Variants in DBNL observed in about 807,000 individuals in gnomAD.
DBNL encodes drebrin-like protein.
DBNL carries 35 observed loss-of-function variants against 62.2 expected under a neutral mutation model. The ratio of observed to expected loss-of-function variants is 0.56; its 90% CI spans 0.43 to 0.75. The LOEUF is 0.75. Among genes scored for constraint, DBNL ranks in the 30% least tolerant of loss-of-function variants. The pLI, the probability that DBNL is intolerant of heterozygous loss-of-function variation, is 0.00. For missense variants in DBNL, 495 were observed against 578.4 expected, an observed-to-expected ratio of 0.86 and a Z score of 1.48; for synonymous variants, 197 against 218.0, an observed-to-expected ratio of 0.90 and a Z score of 0.85.
intron 8 of DBNL, chr7:44,058,683 T>G (rs2096141805): frequency 1.2e-6 from 1 of 834,790 alleles, no homozygotes; most frequent in African/African-American, 1.7e-5. Flanking sequence ...CACCTGGTCC[T>G]GGGGGAGGCC....
chr7:44,054,968 C>A (rs2096133566), intron 4 of DBNL, among the ~76,000 whole-genome samples: 2 of 152,310 alleles, frequency 1.3e-5, no homozygotes, highest in Admixed American at 6.5e-5. Flanking sequence ...GGATGCCATT[C>A]TGTTTTATGG....
At chr7:44,045,532 T>C (rs56736316) in intron 1 of DBNL, among the ~76,000 whole-genome samples, 55,066 of 152,218 alleles carry the variant, frequency 0.36, 10,723 homozygotes, top group East Asian at 0.68. Flanking sequence ...TTGTTTTTAC[T>C]GACCAGTTTT....
Position 44,065,322 on chromosome 7 carries a change from T to C in DBNL, c.*4406T>C, listed in dbSNP as rs773539715. 1 of 1,613,714 alleles carries C rather than the reference T, an allele frequency of 6.2e-7. No individual in the cohort carries two copies. Among genetic ancestry groups the C allele is most frequent in the Non-Finnish European group, 8.5e-7 (1 of 1,180,026 alleles). ...CACATCTGGTCCGTGCCGTCCAGGATGGCCCAGAGGGTGCGGATGGCCCGC... is the reference window on the plus strand; with the variant it reads ...CACATCTGGTCCGTGCCGTCCAGGACGGCCCAGAGGGTGCGGATGGCCCGC... On this transcript the variant is annotated 3_prime_UTR_variant, in exon 13 of 13. Coordinates refer to ENST00000448521, the MANE Select transcript of DBNL (RefSeq NM_001014436.3).
Position 44,057,820 on chromosome 7 carries a change from T to A in DBNL, c.513T>A (p.Ile171=). The change falls in exon 6 of 13, where the codon ATT becomes ATA. Residue 171 remains isoleucine, a synonymous_variant. Transcript: ENST00000448521. Reference sequence around the variant, plus strand: ...AGAAGACCAATGCCGTGTCTGAGATTAAAAGGGTTGGTAAAGACAGCTTCT... The same window carrying A: ...AGAAGACCAATGCCGTGTCTGAGATAAAAAGGGTTGGTAAAGACAGCTTCT... ...VYQKTNAVSE[I]KRVGKDSFWA... The A allele has an allele frequency of 1.9e-6, 3 of 1,614,166 alleles. No individual in the cohort carries two copies. Among genetic ancestry groups the A allele is most frequent in the Non-Finnish European group, 2.5e-6 (3 of 1,180,020 alleles).
At position 44,064,820 on chromosome 7, in the gene DBNL, A is replaced by G; in HGVS notation, c.*3904A>G. 6.3e-7 allele frequency: 1 copy of G among 1,586,720 alleles called. No homozygotes were observed. The highest frequency in any genetic ancestry group is 8.6e-7 in the Non-Finnish European group (1 of 1,166,072). On this transcript the variant is annotated 3_prime_UTR_variant, in exon 13 of 13. Coordinates refer to ENST00000448521, the MANE Select transcript of DBNL (RefSeq NM_001014436.3). ...CCACCCACCCTGCCCAGGCTCCTGA[A>G]GGTGGCCTCACCTTCCAGGTGCTTG...
chr7:44,057,680 C>G, intron 5 of DBNL, 102 bp from the exon 6 acceptor site: 1 of 1,303,184 alleles, frequency 7.7e-7, no homozygotes, highest in Non-Finnish European at 1.1e-6. Context: ...CCTAGCAGCA[C>G]TCACCTGTGC....
At chr7:44,056,669 T>C in intron 4 of DBNL, 88 bp from the exon 5 acceptor site, 4 of 1,540,042 alleles carry the variant, frequency 2.6e-6, no homozygotes, top group Non-Finnish European at 2.6e-6. Context: ...TGTGGTATAG[T>C]AGTGGCCCGT....
rs1179676675 is a variant in DBNL, at chr7:44,064,476, G to A, written c.*3560G>A. 8.7e-6 allele frequency: 3 copies of A among 344,758 alleles called. No homozygotes were observed. Among genetic ancestry groups the A allele is most frequent in the Non-Finnish European group, 1.7e-5 (3 of 180,688 alleles). 21.4% of individuals were successfully genotyped at this position (344,758 alleles called of 1,614,324 possible). On this transcript the variant is annotated 3_prime_UTR_variant, in exon 13 of 13. Transcript: ENST00000448521. ...AAAAGGGAGAGGCCCAGAGATGGAG[G>A]TGGCTTGTCCAGGGCCCCACAGTAA...
intron 1 of DBNL, 138 bp downstream of exon 1, chr7:44,044,958 C>A (rs1420126812): frequency 4.0e-6 from 3 of 749,722 alleles, no homozygotes; most frequent in Non-Finnish European, 5.9e-6. Context: ...GCTTACCTGT[C>A]TGCCCCTCCA....
chr7:44,052,850 G>A lies in DBNL; in HGVS notation c.253-17G>A. ...TTGGGGGAGGCCTGGGTCAACCTGGGCATCCTTGTGTTGCAGACAGGCGAG... is the reference window on the plus strand; with the variant it reads ...TTGGGGGAGGCCTGGGTCAACCTGGACATCCTTGTGTTGCAGACAGGCGAG... On this transcript the variant is annotated splice_polypyrimidine_tract_variant and intron_variant, in intron 3 of 12. Transcript: ENST00000448521. 1 of 1,613,724 alleles carries A rather than the reference G, an allele frequency of 6.2e-7. No homozygotes were observed. Among genetic ancestry groups the A allele is most frequent in the African/African-American group, 1.3e-5 (1 of 75,058 alleles).
In DBNL at chr7:44,061,606, T is replaced by C. The variant is rs924253166; in HGVS notation, c.*690T>C. The C allele has an allele frequency of 2.6e-5, 4 of 152,754 alleles. No individual in the cohort carries two copies. The highest frequency in any genetic ancestry group is 5.9e-5 in the Non-Finnish European group (4 of 68,150). 9.5% of individuals were successfully genotyped at this position (152,754 alleles called of 1,614,324 possible). Reference sequence around the variant, plus strand: ...AGGCCCCAGTGTGTGCCTCAACTGATTCTGACTTCAGGAAAAGTAACACAG... The same window carrying C: ...AGGCCCCAGTGTGTGCCTCAACTGACTCTGACTTCAGGAAAAGTAACACAG... On this transcript the variant is annotated 3_prime_UTR_variant, in exon 13 of 13. Coordinates refer to ENST00000448521, the MANE Select transcript of DBNL (RefSeq NM_001014436.3).
At position 44,066,752 on chromosome 7, in the gene DBNL, A is replaced by G. The variant is rs2096160823; in HGVS notation, c.*5836A>G. 6.6e-6 allele frequency: 1 copy of G among 152,310 alleles called. No homozygotes were observed. The highest frequency in any genetic ancestry group is 2.1e-4 in the South Asian group (1 of 4,828). The allele number at this position is 152,310 out of a possible 1,614,324, so 9.4% of individuals were successfully genotyped here. ...AGGCTCTGTACCCAAAGGTTGGCAG[A>G]CAAGTCCCAGTGGGCAAAGTCCTGT... On this transcript the variant is annotated 3_prime_UTR_variant, in exon 13 of 13. Transcript: ENST00000448521.
rs2096151232 is a variant in DBNL at position 44,062,602 on chromosome 7, G to C, written c.*1686G>C. The C allele has an allele frequency of 1.4e-6, 1 of 702,340 alleles. No homozygotes were observed. The highest frequency in any genetic ancestry group is 2.2e-5 in the Admixed American group (1 of 44,878). 43.5% of individuals were successfully genotyped at this position (702,340 alleles called of 1,614,324 possible). A position where few individuals can be genotyped will look rare whatever the true frequency, so the allele number is the denominator to read the frequency against. ...TCCTGATGACTAGGTGTGGGTACTA[G>C]GCTCCTGCCCCTGGTGACACACGTA... On this transcript the variant is annotated 3_prime_UTR_variant, in exon 13 of 13. Coordinates refer to ENST00000448521, the MANE Select transcript of DBNL (RefSeq NM_001014436.3).
In DBNL at chr7:44,065,380, C is replaced by T. The variant is rs1586002241; in HGVS notation, c.*4464C>T. 1.2e-6 allele frequency: 2 copies of T among 1,614,074 alleles called. No homozygotes were observed. The highest frequency in any genetic ancestry group is 1.7e-6 in the Non-Finnish European group (2 of 1,180,040). On this transcript the variant is annotated 3_prime_UTR_variant, in exon 13 of 13. Coordinates refer to ENST00000448521, the MANE Select transcript of DBNL (RefSeq NM_001014436.3). ...CTGACGTGTAGCAGATGTCAAACTC[C>T]ATCTTGGCATCCTTGATGGCCTTGG...
chr7:44,060,977 A>T lies in DBNL; in HGVS notation c.*61A>T, dbSNP rs143489804. ...ATGGCTTCCTTATTGCTGGAAGAGG[A>T]GGCCTGGGAGTTGACATTCAGCACT... On this transcript the variant is annotated 3_prime_UTR_variant, in exon 13 of 13. Coordinates refer to ENST00000448521, the MANE Select transcript of DBNL (RefSeq NM_001014436.3). The surrounding 1 kb of genome is among the most constrained non-coding windows in gnomAD (Gnocchi z 6.3). 1.1e-4 allele frequency: 166 copies of T among 1,575,392 alleles called. No individual in the cohort carries two copies. In the African/African-American group the frequency reaches 2.0e-3, roughly 19 times the overall value.
chr7:44,059,721 G>A lies in DBNL; in HGVS notation c.1047+63G>A. On this transcript the variant is annotated intron_variant, in intron 11 of 12. Transcript: ENST00000448521. The surrounding 1 kb of genome is among the most constrained non-coding windows in gnomAD (Gnocchi z 4.1). ...TGCATACTCAGGAACACTTATCACGGGCCGCCTGAGTTTTCTGGGGGCATG... is the reference window on the plus strand; with the variant it reads ...TGCATACTCAGGAACACTTATCACGAGCCGCCTGAGTTTTCTGGGGGCATG... The A allele has an allele frequency of 6.9e-7, 1 of 1,455,516 alleles. No homozygotes were observed. Among genetic ancestry groups the A allele is most frequent in the Non-Finnish European group, 9.2e-7 (1 of 1,085,000 alleles). 90.2% of individuals were successfully genotyped at this position (1,455,516 alleles called of 1,614,324 possible).
rs771274128 is a variant in DBNL, at chr7:44,059,644, G to A, written c.1033G>A (p.Glu345Lys). 7.5e-6 allele frequency: 12 copies of A among 1,604,598 alleles called. No homozygotes were observed. In the South Asian group the frequency reaches 9.9e-5, roughly 13 times the overall value. Residue 345 changes from glutamate (E) to lysine (K), a missense_variant, in exon 11 of 13, where the codon GAG (glutamate) becomes AAG (lysine). By Grantham distance (56) the Glu-to-Lys change is moderately conservative. Transcript: ENST00000448521. The surrounding 1 kb of genome is among the most constrained non-coding windows in gnomAD (Gnocchi z 4.1). The part of the protein sequence containing the change: ...EEPPEQETFY[E>K]QPPLVQQQGA... ...ACCTCCAGAGCAGGAGACCTTCTAC[G>A]AGCAGCCCCCACTGGTGGGTTCCTA...
chr7:44,064,731 C>A lies in DBNL; in HGVS notation c.*3815C>A, dbSNP rs1357055456. On this transcript the variant is annotated 3_prime_UTR_variant, in exon 13 of 13. Transcript: ENST00000448521. Reference sequence around the variant, plus strand: ...TCAGTGAATGATGTGGAGCCCCACGCCTAGAAAGCCTGGTCCATGGGCGAG... The same window carrying A: ...TCAGTGAATGATGTGGAGCCCCACGACTAGAAAGCCTGGTCCATGGGCGAG... The A allele has an allele frequency of 1.9e-6, 2 of 1,039,230 alleles. No homozygotes were observed. Among genetic ancestry groups the A allele is most frequent in the Admixed American group, 4.0e-5 (2 of 49,838 alleles). 64.4% of individuals were successfully genotyped at this position (1,039,230 alleles called of 1,614,324 possible).
rs768273385 is a variant in DBNL at position 44,063,730 on chromosome 7, G to A, written c.*2814G>A. The A allele has an allele frequency of 2.0e-5, 3 of 153,792 alleles. No individual in the cohort carries two copies. Among genetic ancestry groups the A allele is most frequent in the Non-Finnish European group, 2.9e-5 (2 of 69,118 alleles). The allele number at this position is 153,792 out of a possible 1,614,324, so 9.5% of individuals were successfully genotyped here. On this transcript the variant is annotated 3_prime_UTR_variant, in exon 13 of 13. Transcript: ENST00000448521. ...GCCCCTGAGCTGGGAATAGCAGCTC[G>A]ACCTTTGATGTTCGCGCCACTCCAC...
Sources: allele counts gnomAD v4.1 joint callset (sites outside exome capture counted in the v4.1 genomes callset), GRCh38; gene constraint gnomAD v4.1.1; non-coding constraint Gnocchi (gnomAD v3.1); transcripts MANE v1.5; gene names NCBI Gene and HGNC (gene_info 2026-07-23, HGNC 2026-07-21).